Variants in LHX5 observed in about 807,000 individuals in gnomAD.
LHX5 encodes LIM/homeobox protein Lhx5.
A neutral mutation model predicts 30.6 loss-of-function variants in LHX5; 5 were observed. The ratio of observed to expected loss-of-function variants is 0.16; its 90% CI spans 0.09 to 0.34. The LOEUF (loss-of-function observed/expected upper bound fraction) is 0.34. Among genes scored for constraint, LHX5 ranks in the 10% least tolerant of loss-of-function variants. LHX5 has a pLI of 1.00. For missense variants in LHX5, 458 were observed against 570.6 expected (o/e 0.80, Z 2.01); for synonymous variants, 266 against 252.6 (o/e 1.05, Z -0.50).
In LHX5 at chr12:113,469,286, C is replaced by T. The variant is rs751056869; in HGVS notation, c.233G>A (p.Arg78His). The T allele has an allele frequency of 2.5e-6, 4 of 1,614,064 alleles. No homozygotes were observed. The highest frequency in any genetic ancestry group is 2.2e-5 in the South Asian group (2 of 91,092). Residue 78 changes from arginine (R) to histidine (H), a missense_variant, in exon 2 of 5, where the codon CGC (arginine) becomes CAC (histidine). By Grantham distance (29) the Arg-to-His change is conservative. Coordinates refer to ENST00000261731, the MANE Select transcript of LHX5 (RefSeq NM_022363.3). The stretch of plus-strand genomic sequence containing the variant: ...GTGAAAGACTTTGCTCCGGGCCTTG[C>T]GCACCAGGTCGCTGGGCGAGATGCC... The part of the protein sequence containing the change: ...AQGISPSDLV[R>H]KARSKVFHLN...
rs1958214476 is a variant in LHX5, at chr12:113,466,193, C to G, written c.841+1063G>C. ...CGTTACAACTCAGAAGTGCAGATGC[C>G]TCTCAGACATAGACAGTCCTGGGGT... On this transcript the variant is annotated intron_variant, in intron 4 of 4. Coordinates refer to ENST00000261731, the MANE Select transcript of LHX5 (RefSeq NM_022363.3). The surrounding 1 kb of genome is among the most constrained non-coding windows in gnomAD (Gnocchi z 6.5). Among the ~76,000 whole-genome samples, 1 of 152,170 alleles carries G rather than the reference C, an allele frequency of 6.6e-6. No individual in the cohort carries two copies. Among genetic ancestry groups the G allele is most frequent in the Non-Finnish European group, 1.5e-5 (1 of 68,036 alleles).
rs529540931 is a variant in LHX5, at chr12:113,466,594, T to C, written c.841+662A>G. Among the ~76,000 whole-genome samples the C allele has an allele frequency of 2.6e-5, 4 of 152,188 alleles. No individual in the cohort carries two copies. The highest frequency in any genetic ancestry group is 7.2e-5 in the African/African-American group (3 of 41,536). Reference sequence around the variant, plus strand: ...CTCGGGGCTGGAGGGTGGACTACAGTCCTGCCCAGAGCAACTGCCGGCATT... The same window carrying C: ...CTCGGGGCTGGAGGGTGGACTACAGCCCTGCCCAGAGCAACTGCCGGCATT... On this transcript the variant is annotated intron_variant, in intron 4 of 4. Transcript: ENST00000261731. This position sits in a 1 kb window ranked among gnomAD's most constrained non-coding sequence, Gnocchi z 6.5.
chr12:113,469,034 C>G (rs1341291518), intron 2 of LHX5, 88 bp downstream of exon 2: 7 of 995,856 alleles, frequency 7.0e-6, no homozygotes, highest in African/African-American at 3.2e-5. Context: ...GCACAGACAG[C>G]ACACCGGGGG....
chr12:113,467,288 A>G lies in LHX5; in HGVS notation c.809T>C (p.Met270Thr), dbSNP rs1958220755. 1.3e-6 allele frequency: 2 copies of G among 1,535,810 alleles called. No homozygotes were observed. Among genetic ancestry groups the G allele is most frequent in the African/African-American group, 1.4e-5 (1 of 72,856 alleles). ...PLGGRLDESEMLGSTPYTYYG... is the reference protein window; with the variant it reads ...PLGGRLDESETLGSTPYTYYG... Reference sequence around the variant, plus strand: ...GTAGGTGTACGGGGTGGACCCCAACATCTCAGACTCGTCCAAGCGGCCGCC... The same window carrying G: ...GTAGGTGTACGGGGTGGACCCCAACGTCTCAGACTCGTCCAAGCGGCCGCC... Residue 270 changes from methionine to threonine, a missense_variant, in exon 4 of 5, where the codon ATG becomes ACG. By Grantham distance (81) the Met-to-Thr change is moderately conservative. Around this residue, in one of 3 missense-constraint regions of LHX5, gnomAD observed 255 missense variants for 246.8 expected, o/e 1.03. Coordinates refer to ENST00000261731, the MANE Select transcript of LHX5 (RefSeq NM_022363.3). The surrounding 1 kb of genome is among the most constrained non-coding windows in gnomAD (Gnocchi z 6.3).
In LHX5 at chr12:113,463,590, C is replaced by T. The variant is rs776313638; in HGVS notation, c.842-33G>A. On this transcript the variant is annotated intron_variant, in intron 4 of 4. Transcript: ENST00000261731. The surrounding 1 kb of genome is among the most constrained non-coding windows in gnomAD (Gnocchi z 6.7). ...GGGGGAGCGGGAAGGAGACAGGGCGCGGTGAGAGAAGGCGAAGTAGGCGGG... is the reference window on the plus strand; with the variant it reads ...GGGGGAGCGGGAAGGAGACAGGGCGTGGTGAGAGAAGGCGAAGTAGGCGGG... 21 of 1,483,100 alleles carry T rather than the reference C, an allele frequency of 1.4e-5. No individual in the cohort carries two copies. Among genetic ancestry groups the T allele is most frequent in the Non-Finnish European group, 1.8e-5 (20 of 1,123,072 alleles). 91.9% of individuals were successfully genotyped at this position (1,483,100 alleles called of 1,614,324 possible).
chr12:113,469,160 A>G lies in LHX5; in HGVS notation c.359T>C (p.Leu120Pro), dbSNP rs1457726339. The G allele has an allele frequency of 1.9e-6, 3 of 1,614,138 alleles. No individual in the cohort carries two copies. The highest frequency in any genetic ancestry group is 3.3e-5 in the Admixed American group (2 of 60,024). The change falls in exon 2 of 5, where the codon CTG becomes CCG. Residue 120 changes from leucine (L) to proline (P), a missense_variant. Physicochemically the swap from Leu to Pro is moderately conservative, Grantham distance 98. Around this residue, in one of 3 missense-constraint regions of LHX5, gnomAD observed 178 missense variants for 238.5 expected, o/e 0.75. Transcript: ENST00000261731. ...GCCCTCCTTGAGGCTGGATGAGCTC[A>G]GGTAGTCGTCTTTGCACACGAACTT... The part of the protein sequence containing the change: ...ENKFVCKDDY[L>P]SSSSLKEGSL...
At chr12:113,471,089 C>A (rs745548395) in intron 1 of LHX5, among the ~76,000 whole-genome samples, 2 of 152,238 alleles carry the variant, frequency 1.3e-5, no homozygotes, top group Admixed American at 6.5e-5. Flanking sequence ...GCCCCGCCAG[C>A]GCTCTGAGCC....
At position 113,465,769 on chromosome 12, in the gene LHX5, G is replaced by C. The variant is rs1328171458; in HGVS notation, c.841+1487C>G. ...CGCTGCTCCGGGCCCAGATTTTGTA[G>C]GGAAAGAGGCAAATTTAGGTGGAGA... On this transcript the variant is annotated intron_variant, in intron 4 of 4. Transcript: ENST00000261731. The surrounding 1 kb of genome is among the most constrained non-coding windows in gnomAD (Gnocchi z 6.7). Among the ~76,000 whole-genome samples the C allele has an allele frequency of 6.6e-6, 1 of 152,214 alleles. No homozygotes were observed. The highest frequency in any genetic ancestry group is 1.5e-5 in the Non-Finnish European group (1 of 68,032).
At position 113,467,468 on chromosome 12, in the gene LHX5, TC is replaced by T. The variant is rs750682329; in HGVS notation, c.676-48del. 19 of 1,387,784 alleles carry T rather than the reference TC, an allele frequency of 1.4e-5. No individual in the cohort carries two copies. Among genetic ancestry groups the T allele is most frequent in the Admixed American group, 8.6e-5 (3 of 35,002 alleles). 86.0% of individuals were successfully genotyped at this position (1,387,784 alleles called of 1,614,324 possible). A position where few individuals can be genotyped will look rare whatever the true frequency, so the allele number is the denominator to read the frequency against. ...TGAACCCAGGATCAGGAGTGTCCTCTCCCCCCCTCTTCTCCCTTCCCTGACT... is the reference window on the plus strand; with the variant it reads ...TGAACCCAGGATCAGGAGTGTCCTCTCCCCCCTCTTCTCCCTTCCCTGACT... On this transcript the variant is annotated intron_variant, in intron 3 of 4. Coordinates refer to ENST00000261731, the MANE Select transcript of LHX5 (RefSeq NM_022363.3). This position sits in a 1 kb window ranked among gnomAD's most constrained non-coding sequence, Gnocchi z 6.3.
rs1958224518 is a variant in LHX5 at position 113,467,850 on chromosome 12, G to C, written c.675+277C>G. Among the ~76,000 whole-genome samples, 1 of 152,262 alleles carries C rather than the reference G, an allele frequency of 6.6e-6. No homozygotes were observed. The highest frequency in any genetic ancestry group is 6.5e-5 in the Admixed American group (1 of 15,292). ...GTAAAGAGGGATCCCGGACCCCAGA[G>C]AGGCTTACAACCTTCCATAAGCAAG... On this transcript the variant is annotated intron_variant, in intron 3 of 4. Transcript: ENST00000261731. This position sits in a 1 kb window ranked among gnomAD's most constrained non-coding sequence, Gnocchi z 6.3.
rs1340165072 is a variant in LHX5 at position 113,471,536 on chromosome 12, C to T, written c.-38G>A. The T allele has an allele frequency of 6.5e-6, 10 of 1,545,094 alleles. No homozygotes were observed. The East Asian group carries it at 9.7e-5, about 15-fold the overall frequency. ...CGGCGGCTTCGGCCGCCTTGCCCTC[C>T]CTTTGGGCCCCTGGCCCTCGGGCCT... On this transcript the variant is annotated 5_prime_UTR_variant, in exon 1 of 5. Coordinates refer to ENST00000261731, the MANE Select transcript of LHX5 (RefSeq NM_022363.3).
At position 113,466,877 on chromosome 12, in the gene LHX5, G is replaced by T. The variant is rs988850322; in HGVS notation, c.841+379C>A. On this transcript the variant is annotated intron_variant, in intron 4 of 4. Coordinates refer to ENST00000261731, the MANE Select transcript of LHX5 (RefSeq NM_022363.3). The surrounding 1 kb of genome is among the most constrained non-coding windows in gnomAD (Gnocchi z 6.5). Reference sequence around the variant, plus strand: ...TGGCCTCAGTGTGACTGGTGGGAGTGTGCGCGTCTGTGGAGTTGTGTCTCC... The same window carrying T: ...TGGCCTCAGTGTGACTGGTGGGAGTTTGCGCGTCTGTGGAGTTGTGTCTCC... 6.6e-5 allele frequency among the ~76,000 whole-genome samples: 10 copies of T among 152,112 alleles called. No homozygotes were observed. The highest frequency in any genetic ancestry group is 1.5e-4 in the Non-Finnish European group (10 of 68,014).
In LHX5 at chr12:113,465,324, C is replaced by A. The variant is rs1413169605; in HGVS notation, c.842-1767G>T. On this transcript the variant is annotated intron_variant, in intron 4 of 4. Transcript: ENST00000261731. This position sits in a 1 kb window ranked among gnomAD's most constrained non-coding sequence, Gnocchi z 6.7. ...CGCGGCCCGCGGCGAGCCGGAAAAC[C>A]AGCGAAGGCCGCTGCCCCCGCGCCG... Among the ~76,000 whole-genome samples, 1 of 152,252 alleles carries A rather than the reference C, an allele frequency of 6.6e-6. No homozygotes were observed. Among genetic ancestry groups the A allele is most frequent in the African/African-American group, 2.4e-5 (1 of 41,474 alleles).
intron 1 of LHX5, 28 bp downstream of exon 1, chr12:113,471,298 C>A: frequency 2.5e-6 from 4 of 1,610,272 alleles, no homozygotes; most frequent in Non-Finnish European, 3.4e-6. Context: ...GGTGGGCGCG[C>A]AGGCAGCAGA....
rs867283272 is a variant in LHX5 at position 113,463,408 on chromosome 12, C to A, written c.991G>T (p.Ala331Ser). Reference sequence around the variant, plus strand: ...GGGTTGTCCGCGGCGTGCGGGCCGGCGAGCGGCGGTTCCAGCGCTCCCAGC... The same window carrying A: ...GGGTTGTCCGCGGCGTGCGGGCCGGAGAGCGGCGGTTCCAGCGCTCCCAGC... ...TPLGALEPPL[A>S]GPHAADNPRF... The change falls in exon 5 of 5, where the codon GCC (alanine) becomes TCC (serine). Residue 331 changes from alanine (A) to serine (S), a missense_variant. Around this residue, in one of 3 missense-constraint regions of LHX5, gnomAD observed 255 missense variants for 246.8 expected, o/e 1.03. Coordinates refer to ENST00000261731, the MANE Select transcript of LHX5 (RefSeq NM_022363.3). This position sits in a 1 kb window ranked among gnomAD's most constrained non-coding sequence, Gnocchi z 6.7. 6.4e-7 allele frequency: 1 copy of A among 1,553,092 alleles called. No homozygotes were observed. Among genetic ancestry groups the A allele is most frequent in the Non-Finnish European group, 8.7e-7 (1 of 1,150,854 alleles).
intron 1 of LHX5, among the ~76,000 whole-genome samples, chr12:113,469,556 G>A (rs1181049707): frequency 2.0e-5 from 3 of 152,242 alleles, no homozygotes; most frequent in Non-Finnish European, 4.4e-5. Flanking sequence ...TGCCTCCACT[G>A]GGGCTTTTCA....
At position 113,467,752 on chromosome 12, in the gene LHX5, G is replaced by A. The variant is rs1053899341; in HGVS notation, c.676-331C>T. Among the ~76,000 whole-genome samples, 10 of 152,210 alleles carry A rather than the reference G, an allele frequency of 6.6e-5. No homozygotes were observed. The highest frequency in any genetic ancestry group is 1.3e-4 in the Non-Finnish European group (9 of 68,030). ...CCCCTCGGCTCCGGAGCCAGCCTCT[G>A]GCCGTTTGTCTGCCCGCGCTTCGGC... On this transcript the variant is annotated intron_variant, in intron 3 of 4. Transcript: ENST00000261731. The surrounding 1 kb of genome is among the most constrained non-coding windows in gnomAD (Gnocchi z 6.3).
Position 113,463,124 on chromosome 12 carries a change from T to C in LHX5, c.*66A>G. On this transcript the variant is annotated 3_prime_UTR_variant, in exon 5 of 5. Coordinates refer to ENST00000261731, the MANE Select transcript of LHX5 (RefSeq NM_022363.3). This position sits in a 1 kb window ranked among gnomAD's most constrained non-coding sequence, Gnocchi z 6.7. ...CCCACCGCGTCTGCGTCGGGCGTTT[T>C]GGTTTCAGGAGGCTGCTTCGGGGCG... The C allele has an allele frequency of 1.5e-6, 2 of 1,368,170 alleles. No individual in the cohort carries two copies. The highest frequency in any genetic ancestry group is 1.5e-5 in the South Asian group (1 of 67,614). The allele number at this position is 1,368,170 out of a possible 1,614,324, so 84.8% of individuals were successfully genotyped here.
At position 113,463,522 on chromosome 12, in the gene LHX5, A is replaced by G. The variant is rs962626900; in HGVS notation, c.877T>C (p.Tyr293His). ...QGDYYAPGSN[Y>H]DFFAHGPPSQ... Reference sequence around the variant, plus strand: ...GGCGGGCCGTGCGCGAAGAAGTCGTAGTTGCTTCCCGGCGCGTAGTAGTCG... The same window carrying G: ...GGCGGGCCGTGCGCGAAGAAGTCGTGGTTGCTTCCCGGCGCGTAGTAGTCG... The change falls in exon 5 of 5, where the codon TAC (tyrosine) becomes CAC (histidine). Residue 293 changes from tyrosine (Y) to histidine (H), a missense_variant. Tyr to His is a moderately conservative substitution (Grantham distance 83). Transcript: ENST00000261731. The surrounding 1 kb of genome is among the most constrained non-coding windows in gnomAD (Gnocchi z 6.7). 1.9e-6 allele frequency: 3 copies of G among 1,561,132 alleles called. No homozygotes were observed. Among genetic ancestry groups the G allele is most frequent in the Non-Finnish European group, 2.6e-6 (3 of 1,161,636 alleles).
Sources: allele counts gnomAD v4.1 joint callset (sites outside exome capture counted in the v4.1 genomes callset), GRCh38; gene constraint gnomAD v4.1.1; regional missense constraint gnomAD v4.1.1; non-coding constraint Gnocchi (gnomAD v3.1); transcripts MANE v1.5; gene names NCBI Gene and HGNC (gene_info 2026-07-23, HGNC 2026-07-21).